The following DUS2 variants were observed in gnomAD, a reference collection of about 807,000 sequenced individuals.
DUS2 encodes dihydrouridine synthase 2.
DUS2 carries 52 observed loss-of-function variants against 71.3 expected under a neutral mutation model. The ratio of observed to expected loss-of-function variants is 0.73; its 90% CI spans 0.58 to 0.92. The LOEUF (loss-of-function observed/expected upper bound fraction) is 0.92. DUS2 is among the 40% of genes least tolerant of loss of function. The pLI is 0.00. For synonymous variants in DUS2, 204 were observed against 227.8 expected (o/e 0.90, Z 0.94); for missense variants, 558 against 622.6 (o/e 0.90, Z 1.10).
rs551925747 is a variant in DUS2 at position 68,038,085 on chromosome 16, G to A, written c.62G>A (p.Arg21Gln). ...HNKLILAPMV[R>Q]VGTLPMRLLA... is the part of the protein sequence containing the mutation. Reference sequence around the variant, plus strand: ...AAGCTAATCCTGGCCCCAATGGTTCGGGTAGGGACTCTTCCAATGAGGCTG... The same window carrying A: ...AAGCTAATCCTGGCCCCAATGGTTCAGGTAGGGACTCTTCCAATGAGGCTG... The change falls in exon 3 of 17, where the codon CGG (arginine) becomes CAG (glutamine). Residue 21 changes from arginine to glutamine, a missense_variant. Transcript: ENST00000565263. 43 of 1,613,910 alleles carry A rather than the reference G, an allele frequency of 2.7e-5. No homozygotes were observed. The highest frequency in any genetic ancestry group is 7.7e-5 in the South Asian group (7 of 91,066).
intron 13 of DUS2, among the ~76,000 whole-genome samples, chr16:68,074,596 C>T (rs1281190248): frequency 1.3e-5 from 2 of 152,200 alleles, no homozygotes; most frequent in Non-Finnish European, 2.9e-5. Flanking sequence ...TGAGGCCCTT[C>T]ACAAGCTGGC....
At chr16:68,047,496 T>C (rs1207075721) in intron 3 of DUS2, among the ~76,000 whole-genome samples, 1 of 151,986 alleles carries the variant, frequency 6.6e-6, no homozygotes, top group East Asian at 1.9e-4. Flanking sequence ...TGTTGTTTTT[T>C]CCCGAGATGG....
intron 4 of DUS2, among the ~76,000 whole-genome samples, chr16:68,052,319 A>C (rs2033790544): frequency 6.6e-6 from 1 of 152,152 alleles, no homozygotes; most frequent in Non-Finnish European, 1.5e-5. Flanking sequence ...AGCTGAAGGG[A>C]GAAGACAGAG....
chr16:68,047,111 A>G (rs2033714656), intron 3 of DUS2, among the ~76,000 whole-genome samples: 1 of 131,314 alleles, frequency 7.6e-6, no homozygotes, highest in South Asian at 2.4e-4. Context: ...GCTGGAGTGC[A>G]GTGGTGCGGT....
At chr16:68,054,112 ACAT>A (rs2033817663) in intron 5 of DUS2, 1 of 195,508 alleles carries the variant, frequency 5.1e-6, no homozygotes, top group Non-Finnish European at 1.1e-5. Context: ...TTTTTCAGAA[ACAT>A]CCTTAATGAT....
At chr16:68,062,719 A>AG (rs1369416622) in intron 8 of DUS2, among the ~76,000 whole-genome samples, 1 of 103,310 alleles carries the variant, frequency 9.7e-6, no homozygotes, top group African/African-American at 3.5e-5. Flanking sequence ...ACTCCGTCTC[A>AG]AAAAAAAAAA....
intron 3 of DUS2, among the ~76,000 whole-genome samples, chr16:68,041,140 C>A (rs1003640790): frequency 6.6e-6 from 1 of 151,946 alleles, no homozygotes; most frequent in African/African-American, 2.4e-5. Flanking sequence ...GCAGGAGAAA[C>A]GCCTGAACCT....
In DUS2 at chr16:68,078,031, T is replaced by A; in HGVS notation, c.1171-414T>A. 3 of 233,854 alleles carry A rather than the reference T, an allele frequency of 1.3e-5. No homozygotes were observed. The South Asian group carries it at 1.8e-4, about 14-fold the overall frequency. 14.5% of individuals were successfully genotyped at this position (233,854 alleles called of 1,614,324 possible). On this transcript the variant is annotated intron_variant, in intron 15 of 16. Transcript: ENST00000565263. Reference sequence around the variant, plus strand: ...CCTGAGACCCTTCCATGTGCCTCGCTCCTTCCAGTTTCATCCCTGCAGCCC... The same window carrying A: ...CCTGAGACCCTTCCATGTGCCTCGCACCTTCCAGTTTCATCCCTGCAGCCC...
At chr16:68,031,155 A>G (rs2033431791) in intron 2 of DUS2, among the ~76,000 whole-genome samples, 1 of 152,072 alleles carries the variant, frequency 6.6e-6, no homozygotes, top group African/African-American at 2.4e-5. Flanking sequence ...TTGATCCTCT[A>G]GGAAACTCAT....
At chr16:68,025,821 G>A (rs571072208) in intron 2 of DUS2, among the ~76,000 whole-genome samples, 2 of 152,132 alleles carry the variant, frequency 1.3e-5, no homozygotes, top group South Asian at 2.1e-4. Flanking sequence ...AAGCTCCTGA[G>A]ATCAGGAGCT....
intron 3 of DUS2, among the ~76,000 whole-genome samples, chr16:68,048,540 C>A (rs577529064): frequency 1.3e-5 from 2 of 152,292 alleles, no homozygotes; most frequent in East Asian, 3.9e-4. Context: ...GACCTGAATA[C>A]TGCATGGAGA....
chr16:68,028,338 A>C (rs1022392842), intron 2 of DUS2, among the ~76,000 whole-genome samples: 1 of 152,092 alleles, frequency 6.6e-6, no homozygotes, highest in South Asian at 2.1e-4. Flanking sequence ...ATAACAACAT[A>C]ATAATAGACG....
At chr16:68,074,507 C>T (rs1220945059) in intron 13 of DUS2, among the ~76,000 whole-genome samples, 1 of 152,228 alleles carries the variant, frequency 6.6e-6, no homozygotes, top group African/African-American at 2.4e-5. Context: ...CCTGCACTCA[C>T]ATCCATCACC....
chr16:68,077,972 A>T (rs1330226742), intron 15 of DUS2: 2 of 151,186 alleles, frequency 1.3e-5, no homozygotes, highest in African/African-American at 5.1e-5. Flanking sequence ...GCTCCCCAGT[A>T]TCTGAAGGAT....
In DUS2 at chr16:68,027,690, A is replaced by G. The variant is rs117142658; in HGVS notation, c.-19+2196A>G. ...CATATTGACAGATAGTTGCTCTTCT[A>G]TTAATAGTTGCCAGGATAGCTCCAT... is the stretch of plus-strand genomic sequence containing the variant. On this transcript the variant is annotated intron_variant, in intron 2 of 16. Coordinates refer to ENST00000565263, the MANE Select transcript of DUS2 (RefSeq NM_017803.5). 1.1e-3 allele frequency among the ~76,000 whole-genome samples: 165 copies of G among 152,374 alleles called. 5 individuals are homozygous for G. In the East Asian group the frequency reaches 0.03, roughly 27 times the overall value.
In DUS2 at chr16:68,075,471, C is replaced by A. The variant is rs757696821; in HGVS notation, c.1049C>A (p.Ser350Tyr). The A allele has an allele frequency of 3.1e-6, 5 of 1,613,576 alleles. No individual in the cohort carries two copies. Among genetic ancestry groups the A allele is most frequent in the Non-Finnish European group, 3.4e-6 (4 of 1,179,748 alleles). The change falls in exon 14 of 17, where the codon TCT becomes TAT. Residue 350 changes from serine to tyrosine, a missense_variant. Ser to Tyr is a moderately radical substitution (Grantham distance 144, BLOSUM62 -2). Coordinates refer to ENST00000565263, the MANE Select transcript of DUS2 (RefSeq NM_017803.5). ...ACAGGGGAGCCAGCTGAAGATACCT[C>A]TGGTGTCATTAAGATGGCTGTCAAG... ...EQTGEPAEDT[S>Y]GVIKMAVKFD...
intron 2 of DUS2, among the ~76,000 whole-genome samples, chr16:68,032,979 A>G (rs1472473523): frequency 6.6e-6 from 1 of 151,658 alleles, no homozygotes; most frequent in Non-Finnish European, 1.5e-5. Flanking sequence ...AGAGAGACAC[A>G]GGTGAGGGTG....
chr16:68,041,196 A>C (rs2033620749), intron 3 of DUS2, among the ~76,000 whole-genome samples: 1 of 152,158 alleles, frequency 6.6e-6, no homozygotes, highest in African/African-American at 2.4e-5. Context: ...ACTGCACTCC[A>C]GCCTGGGCGA....
intron 2 of DUS2, among the ~76,000 whole-genome samples, chr16:68,036,363 C>G (rs527735325): frequency 6.6e-6 from 1 of 152,096 alleles, no homozygotes; most frequent in African/African-American, 2.4e-5. Context: ...GTTTCACCAT[C>G]TTGGCCAGGC....
Sources: allele counts gnomAD v4.1 joint callset (sites outside exome capture counted in the v4.1 genomes callset), GRCh38; gene constraint gnomAD v4.1.1; transcripts MANE v1.5; gene names NCBI Gene and HGNC (gene_info 2026-07-23, HGNC 2026-07-21).